CSGALNACT1: variants seen among roughly 807,000 people sequenced by gnomAD.
CSGALNACT1 encodes chondroitin sulfate N-acetylgalactosaminyltransferase 1, also known as beta4GalNAcT-1.
CSGALNACT1 carries 52 observed loss-of-function variants against 51.0 expected under a neutral mutation model. The observed-to-expected ratio is 1.02, with a 90% CI of 0.82 to 1.29. The LOEUF is 1.29. CSGALNACT1 is among the 50% of genes most tolerant of loss of function. The probability of loss-of-function intolerance (pLI) is 0.00; values close to 1 mark genes in which losing one functional copy is unlikely to be tolerated. For missense variants in CSGALNACT1, 935 were observed against 679.2 expected, an observed-to-expected ratio of 1.38 and a Z score of -4.19; for synonymous variants, 341 against 254.4, an observed-to-expected ratio of 1.34 and a Z score of -3.24.
intron 3 of CSGALNACT1, among the ~76,000 whole-genome samples, chr8:19,518,338 T>C (rs1023491953): frequency 6.6e-6 from 1 of 152,132 alleles, no homozygotes; most frequent in African/African-American, 2.4e-5. Flanking sequence ...GGACTAGAAG[T>C]ATTCAAGATG....
At chr8:19,483,166 TACA>T (rs760676690) in intron 4 of CSGALNACT1, among the ~76,000 whole-genome samples, 14 of 152,210 alleles carry the variant, frequency 9.2e-5, no homozygotes, top group Non-Finnish European at 1.8e-4. Flanking sequence ...AGCCTGGAAT[TACA>T]ACAACAGCTC....
At chr8:19,509,972 G>C (rs144286759) in intron 3 of CSGALNACT1, among the ~76,000 whole-genome samples, 142 of 152,310 alleles carry the variant, frequency 9.3e-4, no homozygotes, top group Middle Eastern at 6.8e-3. Context: ...GTGGGACAGA[G>C]AGAGTAGGGA....
At chr8:19,587,622 A>G (rs571738940) in intron 3 of CSGALNACT1, among the ~76,000 whole-genome samples, 6 of 152,308 alleles carry the variant, frequency 3.9e-5, no homozygotes, top group Admixed American at 1.3e-4. Context: ...TAGCAATACC[A>G]CAAACCTATA....
chr8:19,714,651 C>T (rs1420421847), intron 1 of CSGALNACT1, among the ~76,000 whole-genome samples: 1 of 152,066 alleles, frequency 6.6e-6, no homozygotes, highest in East Asian at 1.9e-4. Flanking sequence ...CTATTAGAGC[C>T]TTTAGCTTAT....
At chr8:19,601,670 G>C (rs2050458600) in intron 2 of CSGALNACT1, 101 bp downstream of exon 2, 1 of 352,646 alleles carries the variant, frequency 2.8e-6, no homozygotes, top group African/African-American at 2.1e-5. Context: ...TCAAGCTATT[G>C]ACAGTAGAAT....
chr8:19,552,037 T>G (rs879737280), intron 3 of CSGALNACT1, among the ~76,000 whole-genome samples: 3 of 152,200 alleles, frequency 2.0e-5, no homozygotes, highest in Non-Finnish European at 2.9e-5. Flanking sequence ...ACATCAATTT[T>G]TTAGTCTACA....
chr8:19,448,515 A>G (rs1055475086), intron 5 of CSGALNACT1, among the ~76,000 whole-genome samples: 2 of 152,216 alleles, frequency 1.3e-5, no homozygotes, highest in African/African-American at 4.8e-5. Flanking sequence ...CTAAAGAGCC[A>G]TAATATAATG....
chr8:19,726,527 G>T (rs1290857643), intron 1 of CSGALNACT1, among the ~76,000 whole-genome samples: 1 of 152,086 alleles, frequency 6.6e-6, no homozygotes, highest in East Asian at 1.9e-4. Flanking sequence ...ATTGTAAAAT[G>T]GTTAAGTCAA....
chr8:19,610,654 G>A (rs1268428263), intron 1 of CSGALNACT1, among the ~76,000 whole-genome samples: 1 of 152,194 alleles, frequency 6.6e-6, no homozygotes, highest in Non-Finnish European at 1.5e-5. Flanking sequence ...GGAAAGCCCA[G>A]GCCACCGAGT....
chr8:19,472,489 C>A (rs928698732), intron 4 of CSGALNACT1, among the ~76,000 whole-genome samples: 13 of 152,340 alleles, frequency 8.5e-5, no homozygotes, highest in African/African-American at 3.1e-4. Flanking sequence ...CAAATATTAT[C>A]TTGATTTTGA....
At chr8:19,474,659 G>C (rs368430858) in intron 4 of CSGALNACT1, among the ~76,000 whole-genome samples, 45 of 151,850 alleles carry the variant, frequency 3.0e-4, no homozygotes, top group African/African-American at 1.1e-3. Context: ...AATTGAGGTC[G>C]GGAGTTCGAG....
intron 4 of CSGALNACT1, among the ~76,000 whole-genome samples, chr8:19,482,323 G>T (rs76213827): frequency 0.15 from 22,600 of 152,114 alleles, 1,772 homozygotes; most frequent in Middle Eastern, 0.23. Flanking sequence ...GCACATGCAG[G>T]GAGCAGCACT....
intron 6 of CSGALNACT1, among the ~76,000 whole-genome samples, chr8:19,433,800 T>G (rs75677786): frequency 0.015 from 2,218 of 152,352 alleles, 49 homozygotes; most frequent in African/African-American, 0.051. Context: ...TTTTAGCTCT[T>G]CAGGTATCAT....
chr8:19,421,355 A>G (rs2057897630), intron 6 of CSGALNACT1, among the ~76,000 whole-genome samples: 1 of 152,250 alleles, frequency 6.6e-6, no homozygotes, highest in Non-Finnish European at 1.5e-5. Context: ...TCCCAGGGAC[A>G]GCAGAACCTT....
chr8:19,513,765 A>T (rs2078951388), intron 3 of CSGALNACT1, among the ~76,000 whole-genome samples: 1 of 152,076 alleles, frequency 6.6e-6, no homozygotes, highest in South Asian at 2.1e-4. Flanking sequence ...TGTGGCTATA[A>T]TAAATACTGC....
chr8:19,571,145 T>G (rs771915360), intron 3 of CSGALNACT1, among the ~76,000 whole-genome samples: 27 of 152,202 alleles, frequency 1.8e-4, no homozygotes, highest in Non-Finnish European at 3.2e-4. Flanking sequence ...TATTTTTGTA[T>G]TTTTTGTAAA....
intron 4 of CSGALNACT1, among the ~76,000 whole-genome samples, chr8:19,480,658 T>C (rs1484102210): frequency 6.6e-6 from 1 of 152,232 alleles, no homozygotes; most frequent in African/African-American, 2.4e-5. Flanking sequence ...GCATAGTTGC[T>C]GACCCATCAT....
chr8:19,537,043 C>A (rs558758483), intron 3 of CSGALNACT1, among the ~76,000 whole-genome samples: 145 of 152,272 alleles, frequency 9.5e-4, no homozygotes, highest in African/African-American at 3.4e-3. Flanking sequence ...CCCAGAGAAA[C>A]CTTAAAAATC....
chr8:19,574,551 C>A (rs2043733532), intron 3 of CSGALNACT1, among the ~76,000 whole-genome samples: 3 of 152,146 alleles, frequency 2.0e-5, no homozygotes, highest in Non-Finnish European at 4.4e-5. Context: ...AGTAACAGGG[C>A]AGCCACACAT....
Sources: gnomAD v4.1 joint callset for allele counts (sites outside exome capture counted in the v4.1 genomes callset) on GRCh38, gnomAD v4.1.1 for gene constraint, MANE v1.5 for transcripts, NCBI Gene and HGNC (gene_info 2026-07-23, HGNC 2026-07-21) for gene names.